The following SDK1 variants were observed in gnomAD, a reference collection of about 807,000 sequenced individuals.
SDK1 encodes the protein protein sidekick-1.
A neutral mutation model predicts 245.5 loss-of-function variants in SDK1; 157 were observed. The ratio of observed to expected loss-of-function variants is 0.64; its 90% CI spans 0.56 to 0.73. The LOEUF (loss-of-function observed/expected upper bound fraction) is 0.73. Among genes scored for constraint, SDK1 ranks in the 30% least tolerant of loss-of-function variants. The pLI, the probability that SDK1 is intolerant of heterozygous loss-of-function variation, is 0.00. For synonymous variants in SDK1, 1,647 were observed against 1,278.5 expected (o/e 1.29, Z -6.15); for missense variants, 3,583 against 3,002.3 (o/e 1.19, Z -4.52).
intron 1 of SDK1, among the ~76,000 whole-genome samples, chr7:3,541,384 C>G (rs1018671367): frequency 6.6e-6 from 1 of 152,208 alleles, no homozygotes; most frequent in African/African-American, 2.4e-5. Context: ...CTAAGCCATA[C>G]GCTGGTCATT....
rs878985063 is a variant in SDK1, at chr7:4,266,902, C to A, written c.*1518C>A. The A allele has an allele frequency of 4.1e-6, 4 of 985,360 alleles. No homozygotes were observed. In the South Asian group the frequency reaches 1.9e-4, roughly 46 times the overall value. 61.0% of individuals were successfully genotyped at this position (985,360 alleles called of 1,614,324 possible). Reference sequence around the variant, plus strand: ...CACGGCAAACGGGCAGGTGCCGTTCCCCCAGTGACCTGAGGGTAGGGGACA... The same window carrying A: ...CACGGCAAACGGGCAGGTGCCGTTCACCCAGTGACCTGAGGGTAGGGGACA... On this transcript the variant is annotated 3_prime_UTR_variant, in exon 45 of 45. Transcript: ENST00000404826.
intron 37 of SDK1, among the ~76,000 whole-genome samples, chr7:4,208,987 G>T (rs1433911287): frequency 1.3e-5 from 2 of 152,254 alleles, no homozygotes; most frequent in East Asian, 3.8e-4. Flanking sequence ...GAGACTGGGA[G>T]AGTGAGGTCT....
intron 4 of SDK1, among the ~76,000 whole-genome samples, chr7:3,761,662 C>A (rs181230391): frequency 1.3e-5 from 2 of 151,032 alleles, no homozygotes; most frequent in East Asian, 3.9e-4. Context: ...GATGCTGGAG[C>A]GCAGAGAACA....
intron 4 of SDK1, among the ~76,000 whole-genome samples, chr7:3,802,310 G>T (rs1779127126): frequency 6.6e-6 from 1 of 152,070 alleles, no homozygotes; most frequent in African/African-American, 2.4e-5. Context: ...GATCACTTGA[G>T]CCTGGAAGTT....
intron 1 of SDK1, among the ~76,000 whole-genome samples, chr7:3,557,158 A>G (rs1038699083): frequency 6.6e-6 from 1 of 152,152 alleles, no homozygotes; most frequent in African/African-American, 2.4e-5. Flanking sequence ...AAATCAATGT[A>G]TCAAAAACCT....
At chr7:4,202,837 C>T (rs1210007121) in intron 35 of SDK1, among the ~76,000 whole-genome samples, 1 of 152,146 alleles carries the variant, frequency 6.6e-6, no homozygotes, top group Non-Finnish European at 1.5e-5. Context: ...GTTCCTAAAC[C>T]CTGAGGTGAG....
At chr7:3,660,835 A>C (rs912937401) in intron 4 of SDK1, among the ~76,000 whole-genome samples, 1 of 152,188 alleles carries the variant, frequency 6.6e-6, no homozygotes, top group African/African-American at 2.4e-5. Context: ...GAGAGCATGA[A>C]TCTTTTCTTC....
chr7:4,078,121 C>T (rs1780814487), intron 21 of SDK1, among the ~76,000 whole-genome samples: 1 of 152,176 alleles, frequency 6.6e-6, no homozygotes, highest in East Asian at 1.9e-4. Flanking sequence ...AAACTGAGGC[C>T]TGGCTGCTTT....
chr7:3,996,708 C>T (rs1308810625), intron 14 of SDK1, among the ~76,000 whole-genome samples: 1 of 152,170 alleles, frequency 6.6e-6, no homozygotes, highest in Non-Finnish European at 1.5e-5. Context: ...CAGCCATATT[C>T]CATATTCTTT....
At chr7:3,564,321 G>T (rs1311740555) in intron 1 of SDK1, among the ~76,000 whole-genome samples, 1 of 152,056 alleles carries the variant, frequency 6.6e-6, no homozygotes, top group East Asian at 1.9e-4. Context: ...CAAAAAGAAA[G>T]AAAAGAGAAG....
chr7:3,560,757 C>G (rs1401668257), intron 1 of SDK1, among the ~76,000 whole-genome samples: 1 of 152,180 alleles, frequency 6.6e-6, no homozygotes, highest in Non-Finnish European at 1.5e-5. Flanking sequence ...CTGTATCCTC[C>G]TCTCCTACTA....
chr7:3,700,655 C>A (rs1784713650), intron 4 of SDK1, among the ~76,000 whole-genome samples: 1 of 152,044 alleles, frequency 6.6e-6, no homozygotes, highest in Non-Finnish European at 1.5e-5. Flanking sequence ...ACAGAGAACA[C>A]CCACAACAAA....
intron 4 of SDK1, among the ~76,000 whole-genome samples, chr7:3,749,558 C>T (rs1779720119): frequency 6.6e-6 from 1 of 152,078 alleles, no homozygotes; most frequent in Non-Finnish European, 1.5e-5. Flanking sequence ...CTTGGCCTCC[C>T]AAAGTGCTGG....
intron 4 of SDK1, among the ~76,000 whole-genome samples, chr7:3,817,856 A>G (rs1050867914): frequency 2.0e-5 from 3 of 152,238 alleles, no homozygotes; most frequent in African/African-American, 7.2e-5. Context: ...AATGGCCAGA[A>G]GCACTTAGCG....
chr7:3,349,952 G>A (rs1434955644), intron 1 of SDK1, among the ~76,000 whole-genome samples: 1 of 152,168 alleles, frequency 6.6e-6, no homozygotes, highest in African/African-American at 2.4e-5. Context: ...GATACAGAAG[G>A]TTTACTCCTT....
chr7:4,179,873 G>C (rs376504502), intron 35 of SDK1, among the ~76,000 whole-genome samples: 1 of 151,896 alleles, frequency 6.6e-6, no homozygotes, highest in South Asian at 2.1e-4. Context: ...GGGTCAGCCT[G>C]TGGCATCGGG....
chr7:4,226,264 TG>T (rs1785439760), intron 40 of SDK1, among the ~76,000 whole-genome samples: 1 of 152,214 alleles, frequency 6.6e-6, no homozygotes, highest in Non-Finnish European at 1.5e-5. Flanking sequence ...GCTGGGTATC[TG>T]GGAGACGGGC....
chr7:4,216,059 G>A (rs764210925), intron 38 of SDK1, among the ~76,000 whole-genome samples: 44 of 152,320 alleles, frequency 2.9e-4, no homozygotes, highest in Non-Finnish European at 5.4e-4. Flanking sequence ...TGGCAGGAAC[G>A]TGGTTCAGGA....
intron 26 of SDK1, 136 bp downstream of exon 26, chr7:4,127,632 A>G: frequency 1.5e-6 from 1 of 665,992 alleles, no homozygotes; most frequent in South Asian, 1.8e-5. Context: ...GATTTTTATT[A>G]AGATATTCAG....
Sources: allele counts gnomAD v4.1 joint callset (sites outside exome capture counted in the v4.1 genomes callset), GRCh38; gene constraint gnomAD v4.1.1; transcripts MANE v1.5; gene names NCBI Gene and HGNC (gene_info 2026-07-23, HGNC 2026-07-21).